Variants in AKT3 observed in about 807,000 individuals in gnomAD.
AKT3 encodes AKT serine/threonine kinase 3, also known as RAC-gamma serine/threonine-protein kinase.
In AKT3, 15 loss-of-function variants were observed where a neutral mutation model predicts 65.3. The observed-to-expected ratio is 0.23, with a 90% CI of 0.15 to 0.35. The LOEUF is 0.35. Ranked by LOEUF, AKT3 falls within the 10% of genes least tolerant of loss-of-function variation. The pLI is 1.00. For missense variants in AKT3, 243 were observed against 576.5 expected (o/e 0.42, Z 5.92); for synonymous variants, 206 against 183.8 (o/e 1.12, Z -0.98).
chr1:243,641,579 T>C lies in AKT3; in HGVS notation c.430-3837A>G, dbSNP rs1680400356. ...AGAAAACAATCTGTAAAATGCTTTA[T>C]GACATTTTCAGTTGAAAACAATATT... is the stretch of plus-strand genomic sequence containing the variant. On this transcript the variant is annotated intron_variant, in intron 5 of 13. Transcript: ENST00000673466. 2.0e-5 allele frequency among the ~76,000 whole-genome samples: 3 copies of C among 152,124 alleles called. No homozygotes were observed. In the South Asian group the frequency reaches 6.2e-4, roughly 32 times the overall value.
At chr1:243,498,403 C>T (rs1668573411), downstream of AKT3, among the ~76,000 whole-genome samples, 1 of 152,178 alleles carries the variant, frequency 6.6e-6, no homozygotes, top group South Asian at 2.1e-4. Context: ...AATTGTCCAC[C>T]TGGCTCCACG....
In AKT3 at chr1:243,695,598, T is replaced by C. The variant is rs369662909; in HGVS notation, c.165A>G (p.Ser55=). 82 of 1,592,516 alleles carry C rather than the reference T, an allele frequency of 5.1e-5. No individual in the cohort carries two copies. Among genetic ancestry groups the C allele is most frequent in the Non-Finnish European group, 6.2e-5 (73 of 1,168,742 alleles). ...VDLPYPLNNF[S]VAKCQLMKTE... ...CAATTATAATTAACTTACTTGCCACTGAAAAGTTGTTGAGGGGATAAGGTA... is the reference window on the plus strand; with the variant it reads ...CAATTATAATTAACTTACTTGCCACCGAAAAGTTGTTGAGGGGATAAGGTA... The change falls in exon 3 of 14, where the codon TCA becomes TCG. Residue 55 remains serine, a synonymous_variant. Coordinates refer to ENST00000673466, the MANE Select transcript of AKT3 (RefSeq NM_005465.7).
At chr1:243,647,152 C>A (rs1008175577) in intron 4 of AKT3, among the ~76,000 whole-genome samples, 8 of 152,194 alleles carry the variant, frequency 5.3e-5, no homozygotes, top group African/African-American at 1.9e-4. Context: ...GTGTAAAGAT[C>A]TTTCACATCT....
intron 6 of AKT3, among the ~76,000 whole-genome samples, chr1:243,631,699 T>A (rs1679625382): frequency 1.3e-5 from 2 of 152,234 alleles, no homozygotes; most frequent in Admixed American, 6.5e-5. Flanking sequence ...ACAACTTTCT[T>A]CACAATCGGA....
intron 2 of AKT3, among the ~76,000 whole-genome samples, chr1:243,826,492 G>A (rs1352286393): frequency 6.6e-6 from 1 of 152,194 alleles, no homozygotes; most frequent in Non-Finnish European, 1.5e-5. Flanking sequence ...AAGTCTGATA[G>A]CGAGCTTCGG....
intron 2 of AKT3, among the ~76,000 whole-genome samples, chr1:243,790,173 T>C (rs968310780): frequency 6.6e-6 from 1 of 152,338 alleles, no homozygotes. Flanking sequence ...AAGGCAGGCA[T>C]TGACTTCTCT....
chr1:243,793,299 G>T (rs1011922450), intron 2 of AKT3: 1 of 151,842 alleles, frequency 6.6e-6, no homozygotes, highest in African/African-American at 2.4e-5. Context: ...ATGTTGCCCA[G>T]GCTAGTCTTA....
intron 5 of AKT3, among the ~76,000 whole-genome samples, chr1:243,639,626 C>T (rs191772943): frequency 2.8e-4 from 43 of 152,244 alleles, no homozygotes; most frequent in Admixed American, 2.4e-3. Flanking sequence ...CATGACATAT[C>T]GGGAAGTTAC....
At chr1:243,575,824 C>T (rs1237616129) in intron 8 of AKT3, among the ~76,000 whole-genome samples, 3 of 151,970 alleles carry the variant, frequency 2.0e-5, no homozygotes, top group East Asian at 1.9e-4. Flanking sequence ...AGTACCTGCA[C>T]ATAGTAGGTG....
intron 8 of AKT3, among the ~76,000 whole-genome samples, chr1:243,611,943 T>C (rs1419145798): frequency 6.6e-6 from 1 of 152,196 alleles, no homozygotes; most frequent in Non-Finnish European, 1.5e-5. Flanking sequence ...TTTATGACTT[T>C]ATTAGAAGTT....
chr1:243,704,208 A>C (rs923952998), intron 2 of AKT3, among the ~76,000 whole-genome samples: 1 of 152,228 alleles, frequency 6.6e-6, no homozygotes, highest in East Asian at 1.9e-4. Context: ...AGCCACTTTA[A>C]ACATCTTTAC....
chr1:243,725,433 G>GA (rs569561265), intron 2 of AKT3, among the ~76,000 whole-genome samples: 5 of 151,982 alleles, frequency 3.3e-5, no homozygotes, highest in Non-Finnish European at 7.4e-5. Context: ...AAAGATGCAG[G>GA]AAAAAAAATT....
intron 8 of AKT3, among the ~76,000 whole-genome samples, chr1:243,598,718 C>T (rs1676804685): frequency 6.6e-6 from 1 of 152,180 alleles, no homozygotes; most frequent in Non-Finnish European, 1.5e-5. Context: ...GTCAACCTAA[C>T]ACTACTTCCT....
At chr1:243,830,127 T>C (rs1283764847) in intron 2 of AKT3, among the ~76,000 whole-genome samples, 1 of 152,220 alleles carries the variant, frequency 6.6e-6, no homozygotes, top group Admixed American at 6.5e-5. Flanking sequence ...TCATCTGTAC[T>C]GAACACTTAC....
At chr1:243,663,205 ATGAT>A (rs1682504441) in intron 4 of AKT3, among the ~76,000 whole-genome samples, 1 of 152,226 alleles carries the variant, frequency 6.6e-6, no homozygotes, top group Admixed American at 6.5e-5. Context: ...CAGTTATAAT[ATGAT>A]TGATAGAAAA....
At chr1:243,641,835 C>T (rs767645433) in intron 5 of AKT3, among the ~76,000 whole-genome samples, 13 of 152,008 alleles carry the variant, frequency 8.6e-5, no homozygotes, top group Admixed American at 5.2e-4. Flanking sequence ...ACCTGGGAGG[C>T]TGAGTTGGGA....
intron 3 of AKT3, among the ~76,000 whole-genome samples, chr1:243,677,689 T>A (rs974466899): frequency 6.6e-6 from 1 of 152,080 alleles, no homozygotes; most frequent in African/African-American, 2.4e-5. Flanking sequence ...TTTTTCCCCC[T>A]TGGAGAAAAA....
chr1:243,792,808 T>C (rs925997031), intron 2 of AKT3, among the ~76,000 whole-genome samples: 13 of 152,196 alleles, frequency 8.5e-5, no homozygotes, highest in African/African-American at 2.9e-4. Flanking sequence ...TATTTTCCAA[T>C]AATAAAGCCA....
intron 3 of AKT3, chr1:243,687,945 T>A (rs1684440920): frequency 6.6e-6 from 1 of 152,186 alleles, no homozygotes; most frequent in South Asian, 2.1e-4. Flanking sequence ...AAGGCAGCTA[T>A]TCCTTACAGT....
Sources: gnomAD v4.1 joint callset for allele counts (sites outside exome capture counted in the v4.1 genomes callset) on GRCh38, gnomAD v4.1.1 for gene constraint, MANE v1.5 for transcripts, NCBI Gene and HGNC (gene_info 2026-07-23, HGNC 2026-07-21) for gene names.